GPC6: variants seen among roughly 807,000 people sequenced by gnomAD.
GPC6 encodes the protein glypican-6.
Under a neutral mutation model 55.2 loss-of-function variants are expected in GPC6, and 14 were observed. The observed-to-expected ratio is 0.25, with a 90% CI of 0.17 to 0.40. The LOEUF (loss-of-function observed/expected upper bound fraction) is 0.40. Ranked by LOEUF, GPC6 falls within the 10% of genes least tolerant of loss-of-function variation. The pLI, the probability that GPC6 is intolerant of heterozygous loss-of-function variation, is 1.00. For synonymous variants in GPC6, 278 were observed against 259.6 expected, an observed-to-expected ratio of 1.07 and a Z score of -0.68; for missense variants, 641 against 708.5, an observed-to-expected ratio of 0.90 and a Z score of 1.08.
intron 1 of GPC6, among the ~76,000 whole-genome samples, chr13:93,527,594 C>T (rs1439885357): frequency 6.6e-6 from 1 of 152,082 alleles, no homozygotes; most frequent in Non-Finnish European, 1.5e-5. Context: ...TTTATTATAT[C>T]ATTTGAAGTG....
chr13:93,354,359 T>TTTTTGTTTTG (rs1880756794), intron 1 of GPC6, among the ~76,000 whole-genome samples: 1 of 138,544 alleles, frequency 7.2e-6, no homozygotes, highest in African/African-American at 2.6e-5. Flanking sequence ...ATTTTTTTTT[T>TTTTTGTTTTG]TTTTTTTTTG....
chr13:93,531,242 A>G (rs984623374), intron 1 of GPC6, among the ~76,000 whole-genome samples: 3 of 150,934 alleles, frequency 2.0e-5, no homozygotes, highest in Non-Finnish European at 2.9e-5. Context: ...GTAAGAACAT[A>G]TATATTTTAC....
intron 4 of GPC6, among the ~76,000 whole-genome samples, chr13:94,141,617 C>T (rs1390557076): frequency 6.6e-6 from 1 of 152,066 alleles, no homozygotes; most frequent in Admixed American, 6.5e-5. Context: ...AAGAGGGGTC[C>T]GTTCAGTTGG....
chr13:94,209,755 T>C (rs537897398), intron 4 of GPC6, among the ~76,000 whole-genome samples: 22 of 152,288 alleles, frequency 1.4e-4, no homozygotes, highest in African/African-American at 5.3e-4. Context: ...TGACTAAAGA[T>C]TACATAATTG....
chr13:93,772,569 C>A (rs768362509), intron 2 of GPC6, among the ~76,000 whole-genome samples: 1 of 151,530 alleles, frequency 6.6e-6, no homozygotes, highest in Non-Finnish European at 1.5e-5. Flanking sequence ...TATTAAAAGG[C>A]GATATATACA....
chr13:94,333,028 T>G (rs1877505233), intron 6 of GPC6, among the ~76,000 whole-genome samples: 2 of 152,148 alleles, frequency 1.3e-5, no homozygotes, highest in African/African-American at 4.8e-5. Context: ...GAGATGAAAT[T>G]GGTCTGTGCA....
intron 4 of GPC6, among the ~76,000 whole-genome samples, chr13:94,264,958 A>C (rs374978736): frequency 6.6e-6 from 1 of 152,202 alleles, no homozygotes; most frequent in Admixed American, 6.5e-5. Context: ...CTTATTCACT[A>C]TCACAAGAAC....
intron 2 of GPC6, among the ~76,000 whole-genome samples, chr13:93,662,207 AATACATAAGG>A (rs1428024227): frequency 1.3e-5 from 2 of 152,194 alleles, no homozygotes; most frequent in Admixed American, 1.3e-4. Context: ...GTTATTCATA[AATACATAAGG>A]CATTTGATGT....
chr13:94,120,974 A>G (rs554933585), intron 4 of GPC6, among the ~76,000 whole-genome samples: 1 of 152,220 alleles, frequency 6.6e-6, no homozygotes, highest in African/African-American at 2.4e-5. Context: ...CTCTGTTAAA[A>G]TGTCTGAGAG....
At chr13:93,466,794 C>T (rs1271322912) in intron 1 of GPC6, among the ~76,000 whole-genome samples, 2 of 152,254 alleles carry the variant, frequency 1.3e-5, no homozygotes, top group Admixed American at 6.5e-5. Flanking sequence ...TTCTCATGTG[C>T]TGGTGGAGTA....
intron 2 of GPC6, among the ~76,000 whole-genome samples, chr13:93,613,019 G>A (rs1327368525): frequency 2.0e-5 from 3 of 152,168 alleles, no homozygotes; most frequent in Non-Finnish European, 2.9e-5. Flanking sequence ...CCTAACAGTT[G>A]TGAAGAGTAG....
intron 5 of GPC6, among the ~76,000 whole-genome samples, chr13:94,302,408 T>A (rs148647187): frequency 1.3e-5 from 2 of 152,324 alleles, no homozygotes; most frequent in African/African-American, 4.8e-5. Flanking sequence ...TAGAGCCTAA[T>A]CACCTCCCAA....
chr13:93,697,004 T>C (rs368555202), intron 2 of GPC6, among the ~76,000 whole-genome samples: 2 of 152,264 alleles, frequency 1.3e-5, no homozygotes, highest in African/African-American at 2.4e-5. Flanking sequence ...GCCTTCCTGC[T>C]GTATAGCCCA....
At chr13:93,895,232 G>GTA (rs1875929216) in intron 3 of GPC6, among the ~76,000 whole-genome samples, 1 of 73,384 alleles carries the variant, frequency 1.4e-5, no homozygotes, top group African/African-American at 5.6e-5. Flanking sequence ...ATGTGTGTGT[G>GTA]TGTATATATA....
At chr13:94,097,367 C>T (rs535970328) in intron 4 of GPC6, among the ~76,000 whole-genome samples, 10 of 151,974 alleles carry the variant, frequency 6.6e-5, no homozygotes, top group Admixed American at 5.9e-4. Context: ...ATTAGCTGGG[C>T]GTGGTGGCGG....
chr13:93,495,845 G>T (rs1880244409), intron 1 of GPC6, among the ~76,000 whole-genome samples: 2 of 147,242 alleles, frequency 1.4e-5, no homozygotes, highest in South Asian at 2.3e-4. Flanking sequence ...CGGGGGTCAG[G>T]GGTCAGGGAC....
chr13:93,547,437 G>A (rs1874867878), intron 2 of GPC6, among the ~76,000 whole-genome samples: 1 of 152,056 alleles, frequency 6.6e-6, no homozygotes, highest in Non-Finnish European at 1.5e-5. Context: ...TAATATCTTT[G>A]CATCTATAGT....
At position 94,405,529 on chromosome 13, in the gene GPC6, C is replaced by T. The variant is rs533041546; in HGVS notation, c.*2312C>T. On this transcript the variant is annotated 3_prime_UTR_variant, in exon 9 of 9. Transcript: ENST00000377047. ...TTCCTTTTTAAAATATTTCTGCATT[C>T]TCTTTTATGAACTAGATCAGGATGC... 1 of 152,244 alleles carries T rather than the reference C, an allele frequency of 6.6e-6. No homozygotes were observed. The highest frequency in any genetic ancestry group is 2.4e-5 in the African/African-American group (1 of 41,554). The allele number at this position is 152,244 out of a possible 1,614,324, so 9.4% of individuals were successfully genotyped here. A position where few individuals can be genotyped will look rare whatever the true frequency, so the allele number is the denominator to read the frequency against.
intron 1 of GPC6, among the ~76,000 whole-genome samples, chr13:93,398,262 T>C (rs1875938084): frequency 1.3e-5 from 2 of 152,184 alleles, no homozygotes; most frequent in Admixed American, 1.3e-4. Flanking sequence ...TCACAGTCTC[T>C]CCCATTAAGC....
Sources: gnomAD v4.1 joint callset for allele counts (sites outside exome capture counted in the v4.1 genomes callset) on GRCh38, gnomAD v4.1.1 for gene constraint, MANE v1.5 for transcripts, NCBI Gene and HGNC (gene_info 2026-07-23, HGNC 2026-07-21) for gene names.